The following ATP6V1B1 variants were observed in gnomAD, a reference collection of about 807,000 sequenced individuals.
ATP6V1B1 encodes V-type proton ATPase subunit B, kidney isoform.
ATP6V1B1 carries 41 observed loss-of-function variants against 62.1 expected under a neutral mutation model. The ratio of observed to expected loss-of-function variants is 0.66; its 90% CI spans 0.51 to 0.86. ATP6V1B1 has a LOEUF of 0.86. ATP6V1B1 is among the 40% of genes least tolerant of loss of function. The pLI, the probability that ATP6V1B1 is intolerant of heterozygous loss-of-function variation, is 0.00. For synonymous variants in ATP6V1B1, 253 were observed against 273.4 expected, an observed-to-expected ratio of 0.93 and a Z score of 0.74; for missense variants, 651 against 697.5, an observed-to-expected ratio of 0.93 and a Z score of 0.75.
At chr2:70,942,390 T>C in intron 1 of ATP6V1B1, 1 of 398,700 alleles carries the variant, frequency 2.5e-6, no homozygotes, top group Non-Finnish European at 4.4e-6. Flanking sequence ...TATAAAAATC[T>C]GTGCAAGAAT....
chr2:70,964,246 T>A, intron 11 of ATP6V1B1, 192 bp from the exon 12 acceptor site: 2 of 621,236 alleles, frequency 3.2e-6, no homozygotes, highest in East Asian at 2.9e-5. Context: ...CCTCCACTGT[T>A]CTGTCTAGGG....
At chr2:70,960,895 C>T (rs1307071226) in intron 6 of ATP6V1B1, 26 bp from the exon 7 acceptor site, 11 of 1,590,754 alleles carry the variant, frequency 6.9e-6, no homozygotes, top group Middle Eastern at 1.7e-4. Context: ...CTCTGACGTC[C>T]TCCTGCCCAA....
chr2:70,957,105 T>C (rs77568160), intron 2 of ATP6V1B1, among the ~76,000 whole-genome samples: 1 of 133,754 alleles, frequency 7.5e-6, no homozygotes, highest in East Asian at 2.1e-4. Flanking sequence ...TTTTTTTTTT[T>C]GGATGGAGTC....
chr2:70,938,450 G>A (rs952470422), intron 1 of ATP6V1B1: 1 of 659,522 alleles, frequency 1.5e-6, no homozygotes, highest in Non-Finnish European at 1.9e-6. Context: ...AGAAAAGCTG[G>A]GGGTGCCTAA....
At chr2:70,956,387 C>T (rs1445635434) in intron 2 of ATP6V1B1, among the ~76,000 whole-genome samples, 1 of 152,252 alleles carries the variant, frequency 6.6e-6, no homozygotes, top group Non-Finnish European at 1.5e-5. Flanking sequence ...GGTTCCAGGG[C>T]AGTCCCTTCC....
chr2:70,965,250 G>T lies in ATP6V1B1; in HGVS notation c.*129G>T, dbSNP rs532579339. 19 of 1,331,516 alleles carry T rather than the reference G, an allele frequency of 1.4e-5. No individual in the cohort carries two copies. Among genetic ancestry groups the T allele is most frequent in the African/African-American group, 1.3e-4 (9 of 68,918 alleles). 82.5% of individuals were successfully genotyped at this position (1,331,516 alleles called of 1,614,324 possible). On this transcript the variant is annotated 3_prime_UTR_variant, in exon 14 of 14. Transcript: ENST00000234396. Reference sequence around the variant, plus strand: ...CCCTCCGCTGGCTCCGAGGTGGTGGGGGCGCCGCACGCTCCATCCCTTTCC... The same window carrying T: ...CCCTCCGCTGGCTCCGAGGTGGTGGTGGCGCCGCACGCTCCATCCCTTTCC...
chr2:70,944,105 C>G (rs1394287617), intron 2 of ATP6V1B1: 1 of 1,283,846 alleles, frequency 7.8e-7, no homozygotes, highest in African/African-American at 1.5e-5. Flanking sequence ...CCACCCTCGA[C>G]TCTCACAGGA....
chr2:70,957,836 G>A, intron 2 of ATP6V1B1: 1 of 597,116 alleles, frequency 1.7e-6, no homozygotes, highest in Non-Finnish European at 3.0e-6. Context: ...AGTTTCAGCT[G>A]TAACCTGGTC....
chr2:70,940,314 G>T, intron 1 of ATP6V1B1: 2 of 929,574 alleles, frequency 2.2e-6, no homozygotes, highest in Non-Finnish European at 2.6e-6. Flanking sequence ...GGACTTTTCT[G>T]GTCCTTGGGC....
chr2:70,937,679 G>C (rs991926033), intron 1 of ATP6V1B1, among the ~76,000 whole-genome samples: 6 of 152,006 alleles, frequency 3.9e-5, no homozygotes, highest in African/African-American at 1.5e-4. Flanking sequence ...AGGCACCCGG[G>C]AGTTGCTGGG....
intron 1 of ATP6V1B1, chr2:70,940,894 CTTT>C (rs145709258): frequency 1.6e-4 from 128 of 818,158 alleles, no homozygotes; most frequent in Middle Eastern, 6.2e-4. Context: ...TTCTTTTTTT[CTTT>C]TTTCTTTTTC....
At chr2:70,942,121 C>A in intron 1 of ATP6V1B1, 3 of 878,874 alleles carry the variant, frequency 3.4e-6, no homozygotes, top group Non-Finnish European at 4.5e-6. Context: ...GTCCTTCACC[C>A]CATGGAGTCA....
chr2:70,964,700 C>T (rs1278412521), intron 12 of ATP6V1B1, 36 bp from the exon 13 acceptor site: 3 of 1,612,886 alleles, frequency 1.9e-6, no homozygotes, highest in Non-Finnish European at 2.5e-6. Context: ...CCGTGGTAAG[C>T]CCGCAGCGGC....
chr2:70,951,066 C>T (rs1169251668), intron 2 of ATP6V1B1, among the ~76,000 whole-genome samples: 2 of 151,360 alleles, frequency 1.3e-5, no homozygotes, highest in African/African-American at 4.9e-5. Flanking sequence ...CCTCAGCCTC[C>T]CGAGAAGCTG....
At chr2:70,940,793 G>A (rs554720854) in intron 1 of ATP6V1B1, 10 of 985,354 alleles carry the variant, frequency 1.0e-5, no homozygotes, top group East Asian at 1.1e-4. Context: ...TCGGGAGGGG[G>A]CACACAATGG....
intron 8 of ATP6V1B1, 89 bp downstream of exon 8, chr2:70,961,782 C>A: frequency 7.9e-7 from 1 of 1,258,038 alleles, no homozygotes. Flanking sequence ...CAGGGCATCC[C>A]AGAACTACAG....
chr2:70,946,737 C>G (rs1680184385), intron 2 of ATP6V1B1, among the ~76,000 whole-genome samples: 1 of 152,180 alleles, frequency 6.6e-6, no homozygotes, highest in African/African-American at 2.4e-5. Flanking sequence ...CTCCTGCCCC[C>G]TCTCCACCTC....
intron 2 of ATP6V1B1, 59 bp downstream of exon 2, chr2:70,943,772 T>C: frequency 3.1e-6 from 5 of 1,596,104 alleles, no homozygotes; most frequent in South Asian, 2.2e-5. Flanking sequence ...GCCTCTCCCC[T>C]GCCCTGCAGG....
chr2:70,958,445 C>T lies in ATP6V1B1; in HGVS notation c.367+19C>T. ...ATGCTGGGTGAGGGACAGGGAGGGG[C>T]AGGGGTGGGGGTGCTCCTCTGCCCT... On this transcript the variant is annotated intron_variant, in intron 4 of 13. Transcript: ENST00000234396. The T allele has an allele frequency of 3.2e-6, 5 of 1,571,832 alleles. No homozygotes were observed. The highest frequency in any genetic ancestry group is 4.4e-6 in the Non-Finnish European group (5 of 1,141,686).
Sources: gnomAD v4.1 joint callset for allele counts (sites outside exome capture counted in the v4.1 genomes callset) on GRCh38, gnomAD v4.1.1 for gene constraint, MANE v1.5 for transcripts, NCBI Gene and HGNC (gene_info 2026-07-23, HGNC 2026-07-21) for gene names.